QSOX1: variants seen among roughly 807,000 people sequenced by gnomAD.
QSOX1 encodes the protein quiescin sulfhydryl oxidase 1, also known as sulfhydryl oxidase 1.
In QSOX1, 40 loss-of-function variants were observed where a neutral mutation model predicts 76.1. That is an observed-to-expected ratio of 0.53 (90% CI 0.41 to 0.68). The LOEUF is 0.68. QSOX1 is among the 30% of genes least tolerant of loss of function. The pLI, the probability that QSOX1 is intolerant of heterozygous loss-of-function variation, is 0.00. For missense variants in QSOX1, 931 were observed against 974.3 expected (o/e 0.96, Z 0.59); for synonymous variants, 392 against 413.1 (o/e 0.95, Z 0.62).
chr1:180,190,433 G>C lies in QSOX1; in HGVS notation c.1141G>C (p.Gly381Arg). ...FKTALDDRKE[G>R]AVLAKKVNWI... The stretch of plus-strand genomic sequence containing the variant: ...GCACTCACACTCATGTGTCCCTCAG[G>C]GTGCCGTTCTTGCCAAGAAGGTGAA... Residue 381 changes from glycine (G) to arginine (R), a missense_variant and splice_region_variant, in exon 10 of 12, where the codon GGT becomes CGT. By Grantham distance (125) the Gly-to-Arg change is moderately radical. Coordinates refer to ENST00000367602, the MANE Select transcript of QSOX1 (RefSeq NM_002826.5). 6.2e-7 allele frequency: 1 copy of C among 1,612,874 alleles called. No homozygotes were observed. Among genetic ancestry groups the C allele is most frequent in the Non-Finnish European group, 8.5e-7 (1 of 1,178,882 alleles).
chr1:180,170,871 GATAA>G (rs770085663), intron 2 of QSOX1, among the ~76,000 whole-genome samples: 20 of 152,354 alleles, frequency 1.3e-4, no homozygotes, highest in South Asian at 4.1e-4. Context: ...AGCTTGCAGA[GATAA>G]ATAAAATGTC....
rs201981215 is a variant in QSOX1 at position 180,186,216 on chromosome 1, A to G, written c.1017+34A>G. On this transcript the variant is annotated intron_variant, in intron 8 of 11. Coordinates refer to ENST00000367602, the MANE Select transcript of QSOX1 (RefSeq NM_002826.5). ...GGCCATGGCTTCCCTTGTCTGTGCA[A>G]TTCTACGGATGGTCAGTGTGCGTTC... 7 of 1,590,358 alleles carry G rather than the reference A, an allele frequency of 4.4e-6. No homozygotes were observed. The East Asian group carries it at 6.7e-5, about 15-fold the overall frequency.
intron 4 of QSOX1, 105 bp from the exon 5 acceptor site, chr1:180,178,689 G>A (rs1033323110): frequency 3.1e-6 from 3 of 981,990 alleles, no homozygotes; most frequent in Non-Finnish European, 4.9e-6. Context: ...AGGAGGGCGG[G>A]ATGGCCATAC....
rs905024316 is a variant in QSOX1, at chr1:180,202,768, A to G, written c.*5731A>G. ...AAAATGCAACTGATGTGAGTAATCC[A>G]TCTACTTGACGTCACTTTTAAGAAA... On this transcript the variant is annotated 3_prime_UTR_variant, in exon 12 of 12. Coordinates refer to ENST00000367602, the MANE Select transcript of QSOX1 (RefSeq NM_002826.5). 5 of 152,042 alleles carry G rather than the reference A, an allele frequency of 3.3e-5. No homozygotes were observed. The highest frequency in any genetic ancestry group is 1.3e-4 in the Admixed American group (2 of 15,252). The allele number at this position is 152,042 out of a possible 1,614,324, so 9.4% of individuals were successfully genotyped here.
In QSOX1 at chr1:180,196,811, G is replaced by A. The variant is rs144062716; in HGVS notation, c.2018G>A (p.Arg673His). The A allele has an allele frequency of 6.8e-5, 109 of 1,611,012 alleles. No homozygotes were observed. The highest frequency in any genetic ancestry group is 1.6e-4 in the Middle Eastern group (1 of 6,074). ...CCTTTGGAGGTCAGGCGCGTGGGCC[G>A]CAGCTCCAAGCAGCTGGTCGACATC... Reference protein sequence around the residue: ...WGPLEVRRVGRSSKQLVDIPE... With the variant: ...WGPLEVRRVGHSSKQLVDIPE... The change falls in exon 12 of 12, where the codon CGC becomes CAC. Residue 673 changes from arginine to histidine, a missense_variant. Transcript: ENST00000367602. This position sits in a 1 kb window ranked among gnomAD's most constrained non-coding sequence, Gnocchi z 4.1.
At chr1:180,182,425 C>A in intron 6 of QSOX1, 106 bp downstream of exon 6, 1 of 1,440,774 alleles carries the variant, frequency 6.9e-7, no homozygotes, top group South Asian at 1.3e-5. Context: ...CATGTTCTTT[C>A]TGAAGAGCCC....
chr1:180,182,261 A>T lies in QSOX1; in HGVS notation c.694A>T (p.Thr232Ser). ...EANVVRKFGV[T>S]DFPSCYLLFR... ...CAATGTGGTGAGAAAGTTTGGTGTC[A>T]CCGACTTCCCCTCTTGCTACCTGCT... The change falls in exon 6 of 12, where the codon ACC becomes TCC. Residue 232 changes from threonine to serine, a missense_variant. Thr to Ser is a moderately conservative substitution (Grantham distance 58, BLOSUM62 1). Transcript: ENST00000367602. 2 of 1,614,224 alleles carry T rather than the reference A, an allele frequency of 1.2e-6. No individual in the cohort carries two copies. The highest frequency in any genetic ancestry group is 1.7e-6 in the Non-Finnish European group (2 of 1,180,036).
intron 2 of QSOX1, among the ~76,000 whole-genome samples, chr1:180,170,074 G>A (rs963696636): frequency 1.1e-4 from 17 of 152,326 alleles, no homozygotes; most frequent in Non-Finnish European, 7.3e-5. Flanking sequence ...CTGGGCAGAG[G>A]CTCATGTTGA....
At chr1:180,164,509 T>TG (rs1179435886) in intron 1 of QSOX1, among the ~76,000 whole-genome samples, 1 of 151,524 alleles carries the variant, frequency 6.6e-6, no homozygotes, top group Non-Finnish European at 1.5e-5. Context: ...AAGGGGGTGG[T>TG]GTGGCCACAG....
rs1187264413 is a variant in QSOX1 at position 180,182,174 on chromosome 1, G to A, written c.607G>A (p.Val203Met). ...EKGGSYLGRE[V>M]ALDLSQHKGV... ...CCCAGATGTTCTGCTGTCCCTGCAG[G>A]TGGCTCTGGACCTGTCCCAGCACAA... The change falls in exon 6 of 12, where the codon GTG becomes ATG. Residue 203 changes from valine (V) to methionine (M), a missense_variant and splice_region_variant. Transcript: ENST00000367602. 1 of 1,613,908 alleles carries A rather than the reference G, an allele frequency of 6.2e-7. No homozygotes were observed.
At chr1:180,156,504 T>C (rs1461779504) in intron 1 of QSOX1, among the ~76,000 whole-genome samples, 1 of 152,214 alleles carries the variant, frequency 6.6e-6, no homozygotes, top group African/African-American at 2.4e-5. Context: ...TTGTAGATGT[T>C]AGTTTTCAGA....
Position 180,196,210 on chromosome 1 carries a change from T to G in QSOX1, c.1469-52T>G. 6.4e-7 allele frequency: 1 copy of G among 1,550,854 alleles called. No homozygotes were observed. The highest frequency in any genetic ancestry group is 1.8e-5 in the Admixed American group (1 of 54,366). On this transcript the variant is annotated intron_variant, in intron 11 of 11. Transcript: ENST00000367602. This position sits in a 1 kb window ranked among gnomAD's most constrained non-coding sequence, Gnocchi z 4.1. ...TCTGAGTGGAGGAGTGTGGTCTGGG[T>G]TTTTGGGTGGGACTGATGTCACCAC...
chr1:180,163,776 C>T (rs1235412487), intron 1 of QSOX1, among the ~76,000 whole-genome samples: 2 of 152,080 alleles, frequency 1.3e-5, no homozygotes, highest in Non-Finnish European at 2.9e-5. Flanking sequence ...TCAGTTAGAG[C>T]CCCCAGAGAA....
At chr1:180,186,325 C>A in intron 8 of QSOX1, 143 bp downstream of exon 8, 1 of 1,159,010 alleles carries the variant, frequency 8.6e-7, no homozygotes, top group Non-Finnish European at 1.2e-6. Flanking sequence ...TCTCCCTGTC[C>A]ACCATAGGTG....
intron 2 of QSOX1, among the ~76,000 whole-genome samples, chr1:180,167,630 AG>A (rs1662664722): frequency 6.6e-6 from 1 of 152,198 alleles, no homozygotes; most frequent in South Asian, 2.1e-4. Context: ...CACTGGATTC[AG>A]GGTTTCCACA....
chr1:180,187,752 G>A (rs1419481433), intron 8 of QSOX1, among the ~76,000 whole-genome samples: 1 of 152,208 alleles, frequency 6.6e-6, no homozygotes, highest in African/African-American at 2.4e-5. Flanking sequence ...CAGAGCCAGG[G>A]CCCTCGGGGT....
intron 10 of QSOX1, among the ~76,000 whole-genome samples, chr1:180,192,657 A>G (rs973304223): frequency 5.9e-5 from 9 of 152,176 alleles, no homozygotes; most frequent in African/African-American, 1.7e-4. Flanking sequence ...TGATGGTCCC[A>G]TAAGCTGAGG....
At position 180,166,604 on chromosome 1, in the gene QSOX1, C is replaced by T; in HGVS notation, c.366+13C>T. ...CCCGACTGTGAGGGTGTGTGACTGA[C>T]AGGAGGGGAAGGCAGGCTGGGCCTG... On this transcript the variant is annotated intron_variant, in intron 2 of 11. Transcript: ENST00000367602. 1 of 1,609,120 alleles carries T rather than the reference C, an allele frequency of 6.2e-7. No homozygotes were observed. Among genetic ancestry groups the T allele is most frequent in the Non-Finnish European group, 8.5e-7 (1 of 1,177,276 alleles).
chr1:180,170,785 C>T lies in QSOX1; in HGVS notation c.366+4194C>T, dbSNP rs148916948. 7.0e-3 allele frequency among the ~76,000 whole-genome samples: 1,068 copies of T among 152,346 alleles called. 2 individuals carry two copies. Among genetic ancestry groups the T allele is most frequent in the Middle Eastern group, 0.027 (8 of 294 alleles). ...TGCCCTGACTTGATTTCCGCATGGGCTTCCAGCATGGTCAAAGGGCAGAGA... is the reference window on the plus strand; with the variant it reads ...TGCCCTGACTTGATTTCCGCATGGGTTTCCAGCATGGTCAAAGGGCAGAGA... On this transcript the variant is annotated intron_variant, in intron 2 of 11. Coordinates refer to ENST00000367602, the MANE Select transcript of QSOX1 (RefSeq NM_002826.5).
Sources: gnomAD v4.1 joint callset for allele counts (sites outside exome capture counted in the v4.1 genomes callset) on GRCh38, gnomAD v4.1.1 for gene constraint, Gnocchi (gnomAD v3.1) non-coding constraint, MANE v1.5 for transcripts, NCBI Gene and HGNC (gene_info 2026-07-23, HGNC 2026-07-21) for gene names.